VWA3B: variants seen among roughly 807,000 people sequenced by gnomAD.
VWA3B encodes the protein von Willebrand factor A domain-containing protein 3B.
In VWA3B, 138 loss-of-function variants were observed where a neutral mutation model predicts 158.3. The ratio of observed to expected loss-of-function variants is 0.87; its 90% CI spans 0.76 to 1.00. VWA3B has a LOEUF of 1.00. Ranked by LOEUF, VWA3B falls within the 50% of genes least tolerant of loss-of-function variation. The pLI is 0.00. For missense variants in VWA3B, 1,555 were observed against 1,565.1 expected, an observed-to-expected ratio of 0.99 and a Z score of 0.11; for synonymous variants, 596 against 587.3, an observed-to-expected ratio of 1.01 and a Z score of -0.21.
intron 2 of VWA3B, among the ~76,000 whole-genome samples, chr2:98,101,550 T>C (rs1422918079): frequency 6.6e-6 from 1 of 152,270 alleles, no homozygotes; most frequent in African/African-American, 2.4e-5. Flanking sequence ...AATACCATTT[T>C]TTAACCAGAT....
intron 12 of VWA3B, among the ~76,000 whole-genome samples, chr2:98,204,089 C>T (rs1415599482): frequency 6.6e-6 from 1 of 152,128 alleles, no homozygotes; most frequent in Non-Finnish European, 1.5e-5. Flanking sequence ...CTTGAGCATC[C>T]TCAGATTTTG....
At chr2:98,134,929 T>C (rs6543303) in intron 7 of VWA3B, among the ~76,000 whole-genome samples, 96,356 of 151,306 alleles carry the variant, frequency 0.64, 32,516 homozygotes, top group African/African-American at 0.86. Context: ...GGAGGGGAGA[T>C]GTTCCCATAG....
At chr2:98,280,100 CTG>C (rs750758257) in intron 22 of VWA3B, among the ~76,000 whole-genome samples, 37 of 152,174 alleles carry the variant, frequency 2.4e-4, no homozygotes, top group Non-Finnish European at 4.0e-4. Context: ...AAATGAATAA[CTG>C]TATCAGGAAC....
rs982663141 is a variant in VWA3B at position 98,224,986 on chromosome 2, C to T, written c.2020-3216C>T. On this transcript the variant is annotated intron_variant, in intron 14 of 27. Coordinates refer to ENST00000477737, the MANE Select transcript of VWA3B (RefSeq NM_144992.5). The stretch of plus-strand genomic sequence containing the variant: ...TTCTTTTTTTTTACCCAGGCTGGAG[C>T]GCAGTGGTGCAATCTTGGCTCACTG... Among the ~76,000 whole-genome samples, 4 of 152,222 alleles carry T rather than the reference C, an allele frequency of 2.6e-5. No individual in the cohort carries two copies. In the East Asian group the frequency reaches 7.7e-4, roughly 29 times the overall value.
intron 7 of VWA3B, among the ~76,000 whole-genome samples, chr2:98,144,917 C>T (rs1019204580): frequency 6.6e-6 from 1 of 152,228 alleles, no homozygotes; most frequent in African/African-American, 2.4e-5. Context: ...AAAGGACAGC[C>T]TGGCTGCTAC....
At chr2:98,201,845 G>A (rs1322844524) in intron 12 of VWA3B, among the ~76,000 whole-genome samples, 2 of 152,096 alleles carry the variant, frequency 1.3e-5, no homozygotes, top group Non-Finnish European at 2.9e-5. Flanking sequence ...TATTAAATTG[G>A]CTTTGCATTC....
At chr2:98,107,342 G>C (rs1673749242) in intron 2 of VWA3B, among the ~76,000 whole-genome samples, 1 of 151,998 alleles carries the variant, frequency 6.6e-6, no homozygotes, top group Non-Finnish European at 1.5e-5. Context: ...GACAAGGCTA[G>C]CTTCATAAAA....
Position 98,290,554 on chromosome 2 carries a change from A to G in VWA3B, c.3089A>G (p.Lys1030Arg). ...QGNPTKKTKS[K>R]RPDPLKGQKV... ...AATCCAACAAAGAAAACCAAATCAA[A>G]AAGACCAGATCCCCTCAAAGGACAG... The change falls in exon 23 of 28, where the codon AAA becomes AGA. Residue 1030 changes from lysine (K) to arginine (R), a missense_variant. Lys to Arg is a conservative substitution (Grantham distance 26). Coordinates refer to ENST00000477737, the MANE Select transcript of VWA3B (RefSeq NM_144992.5). 1 of 1,585,600 alleles carries G rather than the reference A, an allele frequency of 6.3e-7. No homozygotes were observed. The highest frequency in any genetic ancestry group is 8.5e-7 in the Non-Finnish European group (1 of 1,172,816).
intron 19 of VWA3B, 138 bp from the exon 20 acceptor site, chr2:98,250,180 T>C (rs1288089065): frequency 1.7e-6 from 1 of 596,036 alleles, no homozygotes; most frequent in Non-Finnish European, 2.9e-6. Flanking sequence ...ATTTACTGTG[T>C]TTTCTAATGT....
At chr2:98,235,949 C>A (rs1318605871) in intron 17 of VWA3B, among the ~76,000 whole-genome samples, 2 of 152,180 alleles carry the variant, frequency 1.3e-5, no homozygotes, top group Non-Finnish European at 2.9e-5. Flanking sequence ...TTTGAACTTA[C>A]AACTAAACAG....
In VWA3B at chr2:98,128,257, T is replaced by C; in HGVS notation, c.721T>C (p.Phe241Leu). Reference sequence around the variant, plus strand: ...TTTGCAGATTGAATCCATTTACTACTTTGTGGTGGGGGATGTTCCTGAAGA... The same window carrying C: ...TTTGCAGATTGAATCCATTTACTACCTTGTGGTGGGGGATGTTCCTGAAGA... ...RDKTIESIYY[F>L]VVGDVPEESK... Residue 241 changes from phenylalanine (F) to leucine (L), a missense_variant, in exon 6 of 28, where the codon TTT becomes CTT. Transcript: ENST00000477737. The C allele has an allele frequency of 6.2e-7, 1 of 1,614,104 alleles. No homozygotes were observed. The highest frequency in any genetic ancestry group is 8.5e-7 in the Non-Finnish European group (1 of 1,179,974).
intron 21 of VWA3B, among the ~76,000 whole-genome samples, chr2:98,264,829 G>A (rs974454976): frequency 1.3e-5 from 2 of 151,994 alleles, no homozygotes; most frequent in African/African-American, 4.8e-5. Context: ...CTAATACTGG[G>A]TTGCTGTCTA....
intron 22 of VWA3B, among the ~76,000 whole-genome samples, chr2:98,278,145 G>A (rs7572757): frequency 0.42 from 63,701 of 152,038 alleles, 13,760 homozygotes; most frequent in Admixed American, 0.47. Context: ...CTGATGTTGA[G>A]ACAGGAAATT....
At chr2:98,116,636 A>G (rs917987979) in intron 3 of VWA3B, among the ~76,000 whole-genome samples, 1 of 152,140 alleles carries the variant, frequency 6.6e-6, no homozygotes, top group African/African-American at 2.4e-5. Context: ...CCCTCCAAGT[A>G]GCTGGGACCA....
At chr2:98,167,774 G>A (rs1167412110) in intron 8 of VWA3B, among the ~76,000 whole-genome samples, 1 of 152,108 alleles carries the variant, frequency 6.6e-6, no homozygotes, top group Non-Finnish European at 1.5e-5. Flanking sequence ...GAAGAAACGG[G>A]GCTTGGAATT....
chr2:98,105,686 C>G, intron 2 of VWA3B, among the ~76,000 whole-genome samples: 1 of 152,006 alleles, frequency 6.6e-6, no homozygotes, highest in Non-Finnish European at 1.5e-5. Flanking sequence ...TATGATCACA[C>G]TACTTCACTC....
chr2:98,265,270 A>G (rs1260195192), intron 21 of VWA3B, among the ~76,000 whole-genome samples: 1 of 137,828 alleles, frequency 7.3e-6, no homozygotes, highest in Non-Finnish European at 1.5e-5. Context: ...TTCAATTCCC[A>G]CCTGTGAGTG....
intron 22 of VWA3B, among the ~76,000 whole-genome samples, chr2:98,284,846 A>G (rs1485802175): frequency 6.6e-6 from 1 of 152,220 alleles, no homozygotes; most frequent in Non-Finnish European, 1.5e-5. Context: ...ATGAGTAAAA[A>G]TCTAGGATGG....
chr2:98,223,536 A>C (rs1226493329), intron 14 of VWA3B, among the ~76,000 whole-genome samples: 1 of 152,208 alleles, frequency 6.6e-6, no homozygotes, highest in Non-Finnish European at 1.5e-5. Flanking sequence ...ATCCAGGCCA[A>C]GACATGTCAT....
Sources: allele counts gnomAD v4.1 joint callset (sites outside exome capture counted in the v4.1 genomes callset), GRCh38; gene constraint gnomAD v4.1.1; transcripts MANE v1.5; gene names NCBI Gene and HGNC (gene_info 2026-07-23, HGNC 2026-07-21).